Variants in GRM5 observed in about 807,000 individuals in gnomAD.
GRM5 encodes the protein glutamate metabotropic receptor 5.
In GRM5, 19 loss-of-function variants were observed where a neutral mutation model predicts 83.1. The observed-to-expected ratio is 0.23, with a 90% CI of 0.16 to 0.34. The LOEUF (loss-of-function observed/expected upper bound fraction) is 0.34, where lower values mean the gene tolerates loss of function less well. Among genes scored for constraint, GRM5 ranks in the 10% least tolerant of loss-of-function variants. The probability of loss-of-function intolerance (pLI) is 1.00; values close to 1 mark genes in which losing one functional copy is unlikely to be tolerated. For synonymous variants in GRM5, 675 were observed against 633.6 expected (o/e 1.07, Z -0.98); for missense variants, 1,160 against 1,588.3 (o/e 0.73, Z 4.58).
intron 8 of GRM5, among the ~76,000 whole-genome samples, chr11:88,538,991 T>C (rs915442783): frequency 1.3e-5 from 2 of 152,226 alleles, no homozygotes; most frequent in East Asian, 1.9e-4. Flanking sequence ...TCATTTTTTT[T>C]CCCCATAATC....
intron 1 of GRM5, among the ~76,000 whole-genome samples, chr11:89,058,752 T>C (rs552013909): frequency 6.6e-6 from 1 of 152,338 alleles, no homozygotes; most frequent in South Asian, 2.1e-4. Flanking sequence ...TAGTTCTAAG[T>C]ATCACAAATT....
At chr11:88,794,302 A>G (rs1037435625) in intron 3 of GRM5, among the ~76,000 whole-genome samples, 1 of 152,024 alleles carries the variant, frequency 6.6e-6, no homozygotes, top group African/African-American at 2.4e-5. Context: ...CTAAATTAAA[A>G]TGTTTCTAGT....
intron 3 of GRM5, among the ~76,000 whole-genome samples, chr11:88,722,599 C>A (rs1941573268): frequency 6.6e-6 from 1 of 152,080 alleles, no homozygotes; most frequent in Non-Finnish European, 1.5e-5. Context: ...AAGGGAGATA[C>A]CTGGACAAAA....
chr11:88,677,359 T>C (rs1013024685), intron 3 of GRM5, among the ~76,000 whole-genome samples: 2 of 152,136 alleles, frequency 1.3e-5, no homozygotes, highest in South Asian at 2.1e-4. Flanking sequence ...TTTGCTTTAG[T>C]TATTAGTTTA....
chr11:89,004,444 C>G (rs1484328024), intron 2 of GRM5, among the ~76,000 whole-genome samples: 1 of 152,154 alleles, frequency 6.6e-6, no homozygotes, highest in East Asian at 1.9e-4. Context: ...ATCTCTTATA[C>G]TTGGATCAAA....
rs1361923154 is a variant in GRM5, at chr11:89,014,969, T to C, written c.661+32243A>G. ...GCACTCATCCATCTTTCACTAGGGC[T>C]GATTCATAGGGCGGCCAGAACCCTA... On this transcript the variant is annotated intron_variant, in intron 2 of 9. Coordinates refer to ENST00000305447, the MANE Select transcript of GRM5 (RefSeq NM_001143831.3). Among the ~76,000 whole-genome samples, 14 of 152,328 alleles carry C rather than the reference T, an allele frequency of 9.2e-5. No individual in the cohort carries two copies. The South Asian group carries it at 2.3e-3, about 25-fold the overall frequency.
chr11:88,978,474 TAAAAAAAAAAAAA>T lies in GRM5; in HGVS notation c.661+68725_661+68737del, dbSNP rs200343438. ...TAACATTAACAACAGCAGATGAGCT[TAAAAAAAAAAAAA>T]AAAAAAAAAAAAAAAAAAAAAAAAA... is the stretch of plus-strand genomic sequence containing the variant. On this transcript the variant is annotated intron_variant, in intron 2 of 9. Transcript: ENST00000305447. 3.6e-4 allele frequency among the ~76,000 whole-genome samples: 35 copies of T among 97,972 alleles called. No homozygotes were observed. The East Asian group carries it at 3.9e-3, about 11-fold the overall frequency. 64.3% of individuals were successfully genotyped at this position (97,972 alleles called of 152,430 possible).
intron 2 of GRM5, among the ~76,000 whole-genome samples, chr11:88,928,087 A>G (rs1363048494): frequency 6.6e-6 from 1 of 152,086 alleles, no homozygotes; most frequent in African/African-American, 2.4e-5. Flanking sequence ...CCCTCTTAGG[A>G]TTATGTGCAG....
chr11:88,938,402 T>C (rs991651687), intron 2 of GRM5, among the ~76,000 whole-genome samples: 23 of 151,640 alleles, frequency 1.5e-4, no homozygotes, highest in African/African-American at 4.3e-4. Context: ...TATATATCCA[T>C]TATTTAGAAA....
At chr11:88,776,881 T>C (rs903692287) in intron 3 of GRM5, among the ~76,000 whole-genome samples, 8 of 152,220 alleles carry the variant, frequency 5.3e-5, no homozygotes, top group Admixed American at 3.9e-4. Flanking sequence ...ACTTTTTCCT[T>C]CATTTCAACC....
At chr11:88,595,429 GCT>G (rs1937772516) in intron 6 of GRM5, among the ~76,000 whole-genome samples, 1 of 151,872 alleles carries the variant, frequency 6.6e-6, no homozygotes. Context: ...CCTCTAGTAT[GCT>G]CTGTTCTAAT....
At chr11:89,065,647 G>C (rs1362805699) in intron 1 of GRM5, 129 bp downstream of exon 1, 1 of 152,218 alleles carries the variant, frequency 6.6e-6, no homozygotes, top group African/African-American at 2.4e-5. Context: ...TGCCCTCCTG[G>C]GTCTTTTTAG....
chr11:88,698,383 TA>T (rs1940950122), intron 3 of GRM5, among the ~76,000 whole-genome samples: 1 of 152,196 alleles, frequency 6.6e-6, no homozygotes, highest in Non-Finnish European at 1.5e-5. Context: ...CTGAAATACT[TA>T]AAAACATTTT....
At chr11:88,986,382 A>G (rs532697706) in intron 2 of GRM5, among the ~76,000 whole-genome samples, 93 of 152,306 alleles carry the variant, frequency 6.1e-4, no homozygotes, top group Non-Finnish European at 9.3e-4. Context: ...AAAGGATAAC[A>G]TGAGGTTTCC....
At chr11:88,678,246 A>G (rs537740733) in intron 3 of GRM5, among the ~76,000 whole-genome samples, 3 of 151,956 alleles carry the variant, frequency 2.0e-5, no homozygotes, top group Middle Eastern at 3.4e-3. Flanking sequence ...TTTTGTAATG[A>G]TGGGGTCTTT....
chr11:88,858,613 G>A (rs1050588631), intron 2 of GRM5, among the ~76,000 whole-genome samples: 1 of 151,944 alleles, frequency 6.6e-6, no homozygotes, highest in Admixed American at 6.6e-5. Flanking sequence ...ACATGTTGAG[G>A]ACAACAAGTT....
At chr11:88,969,329 A>C (rs752237015) in intron 2 of GRM5, among the ~76,000 whole-genome samples, 19 of 152,128 alleles carry the variant, frequency 1.2e-4, no homozygotes, top group Non-Finnish European at 2.5e-4. Flanking sequence ...GCTTGGGGAC[A>C]GTATTTTTAT....
intron 2 of GRM5, among the ~76,000 whole-genome samples, chr11:88,863,358 C>T (rs1944602204): frequency 6.7e-6 from 1 of 149,618 alleles, no homozygotes; most frequent in Non-Finnish European, 1.5e-5. Flanking sequence ...ATGGAATCAA[C>T]CCAAATGTCC....
chr11:89,056,715 T>C (rs567215051), intron 1 of GRM5, among the ~76,000 whole-genome samples: 2 of 152,124 alleles, frequency 1.3e-5, no homozygotes, highest in Non-Finnish European at 2.9e-5. Flanking sequence ...TTTAAAATGT[T>C]ATGATCTACA....
Sources: gnomAD v4.1 joint callset for allele counts (sites outside exome capture counted in the v4.1 genomes callset) on GRCh38, gnomAD v4.1.1 for gene constraint, MANE v1.5 for transcripts, NCBI Gene and HGNC (gene_info 2026-07-23, HGNC 2026-07-21) for gene names.